Variants in XG observed in about 807,000 individuals in gnomAD.
XG encodes Xg glycoprotein (Xg blood group), also known as glycoprotein Xg.
In XG, 24 loss-of-function variants were observed where a neutral mutation model predicts 25.7. The ratio of observed to expected loss-of-function variants is 0.93; its 90% CI spans 0.68 to 1.31. XG has a LOEUF of 1.31. Among genes scored for constraint, XG ranks in the 40% most tolerant of loss-of-function variants. XG has a pLI of 0.00. For missense variants in XG, 181 were observed against 187.6 expected, an observed-to-expected ratio of 0.96 and a Z score of 0.21; for synonymous variants, 77 against 69.2, an observed-to-expected ratio of 1.11 and a Z score of -0.56.
intron 1 of XG, among the ~76,000 whole-genome samples, chrX:2,756,251 G>T (rs1006631504): frequency 6.6e-6 from 1 of 152,124 alleles, no homozygotes; most frequent in African/African-American, 2.4e-5. Context: ...ACAAAATCAG[G>T]TCTTCTAACA....
At chrX:2,773,152 G>A (rs2050861338) in intron 2 of XG, among the ~76,000 whole-genome samples, 1 of 150,224 alleles carries the variant, frequency 6.7e-6, no homozygotes, top group African/African-American at 2.4e-5. Flanking sequence ...AAGGACAGAG[G>A]AAAACAGGGA....
chrX:2,767,784 C>T (rs1166147476), intron 1 of XG, among the ~76,000 whole-genome samples: 1 of 152,202 alleles, frequency 6.6e-6, no homozygotes, highest in Admixed American at 6.5e-5. Context: ...GAGACTGTCT[C>T]AGTGCCCAGG....
At chrX:2,763,830 C>T (rs1488107105) in intron 1 of XG, among the ~76,000 whole-genome samples, 10 of 152,186 alleles carry the variant, frequency 6.6e-5, no homozygotes, top group South Asian at 2.1e-4. Flanking sequence ...CACTTCCTCA[C>T]GCTGCAATCC....
chrX:2,758,740 A>G (rs1406989550), intron 1 of XG, among the ~76,000 whole-genome samples: 4 of 152,200 alleles, frequency 2.6e-5, no homozygotes, highest in African/African-American at 7.2e-5. Flanking sequence ...AGTGCACAGG[A>G]CGCCCCACAG....
At chrX:2,772,507 C>G (rs2050840428) in intron 2 of XG, among the ~76,000 whole-genome samples, 1 of 152,032 alleles carries the variant, frequency 6.6e-6, no homozygotes, top group Non-Finnish European at 1.5e-5. Flanking sequence ...CCAGAATAGG[C>G]AAATTCAGAG....
intron 1 of XG, among the ~76,000 whole-genome samples, chrX:2,760,934 C>G (rs1339166861): frequency 6.6e-6 from 1 of 152,064 alleles, no homozygotes; most frequent in Admixed American, 6.6e-5. Context: ...ACCAGCCCTG[C>G]CCACACCTTG....
At chrX:2,789,301 A>G (rs1273375221) in intron 4 of XG, among the ~76,000 whole-genome samples, 1 of 112,065 alleles carries the variant, frequency 8.9e-6, no homozygotes, top group Non-Finnish European at 1.9e-5. Flanking sequence ...CACACTATCA[A>G]AAGGTCAGAT....
At chrX:2,782,026 A>C in intron 3 of XG, 40 bp from the exon 4 acceptor site, 2 of 1,187,624 alleles carry the variant, frequency 1.7e-6, no homozygotes, top group Non-Finnish European at 2.3e-6. Flanking sequence ...AGGGAAGGAC[A>C]ATTTTCTTTT....
intron 3 of XG, among the ~76,000 whole-genome samples, chrX:2,777,299 A>G (rs6655035): frequency 0.011 from 1,682 of 152,350 alleles, 34 homozygotes; most frequent in African/African-American, 0.038. Context: ...GTAGTTAGAT[A>G]TTGCTGGATT....
In XG at chrX:2,789,693, C is replaced by T. The variant is rs17090623; in HGVS notation, c.240C>T (p.Ser80=). ...KPRPQPQPGN[S]GNSGGYFNDV... ...GCCCTCAACCCCAGCCTGGCAATTC[C>T]GGCAACAGTGGAGGTAATGAGTATT... The change falls in exon 5 of 11, where the codon TCC becomes TCT. Residue 80 remains serine (S), a synonymous_variant. Coordinates refer to ENST00000644266, the MANE Select transcript of XG (RefSeq NM_001141919.2). 9.5e-3 allele frequency: 10,750 copies of T among 1,130,166 alleles called. 628 individuals are homozygous for T. The African/African-American group carries it at 0.17, about 18-fold the overall frequency. The allele number at this position is 1,130,166 out of a possible 1,213,427, so 93.1% of individuals were successfully genotyped here.
At chrX:2,764,536 T>C (rs1435666742) in intron 1 of XG, among the ~76,000 whole-genome samples, 1 of 152,088 alleles carries the variant, frequency 6.6e-6, no homozygotes. Context: ...CCTTAGGATT[T>C]GCCTGAAGGA....
chrX:2,752,606 G>A (rs960761765), intron 1 of XG, among the ~76,000 whole-genome samples: 1 of 152,126 alleles, frequency 6.6e-6, no homozygotes. Flanking sequence ...TGATCCATGT[G>A]TCCCAAGCGT....
At chrX:2,793,738 G>C (rs140532845) in intron 5 of XG, among the ~76,000 whole-genome samples, 1,882 of 111,705 alleles carry the variant, frequency 0.017, 26 homozygotes, top group Middle Eastern at 0.028. Context: ...TTTCAGACAA[G>C]ATAGTTGAGC....
intron 4 of XG, among the ~76,000 whole-genome samples, chrX:2,787,017 A>G (rs1193470480): frequency 9.3e-6 from 1 of 107,931 alleles, no homozygotes; most frequent in East Asian, 2.9e-4. Flanking sequence ...GACACCTCAT[A>G]AGAAGGGGAG....
intron 7 of XG, among the ~76,000 whole-genome samples, chrX:2,798,053 AAAAAGAAAAG>A (rs768409598): frequency 1.8e-5 from 2 of 111,281 alleles, no homozygotes; most frequent in South Asian, 3.8e-4. Context: ...TGTCTCAAAG[AAAAAGAAAAG>A]AAAAGAAAAG....
chrX:2,772,570 G>A (rs1341286110), intron 2 of XG, among the ~76,000 whole-genome samples: 13 of 152,078 alleles, frequency 8.5e-5, no homozygotes, highest in Non-Finnish European at 1.6e-4. Context: ...CAAAAGGGAG[G>A]GACTGCTCGT....
At chrX:2,754,341 C>A (rs1354176398) in intron 1 of XG, among the ~76,000 whole-genome samples, 3 of 152,170 alleles carry the variant, frequency 2.0e-5, no homozygotes, top group African/African-American at 7.2e-5. Flanking sequence ...CTCAAACGAT[C>A]CTCCTGCCTT....
chrX:2,787,266 A>G (rs1160953675), intron 4 of XG, among the ~76,000 whole-genome samples: 1 of 111,100 alleles, frequency 9.0e-6, no homozygotes, highest in African/African-American at 3.3e-5. Context: ...AGAGGAGATG[A>G]GGACACAGAC....
intron 1 of XG, among the ~76,000 whole-genome samples, chrX:2,759,646 G>A (rs952553812): frequency 1.3e-5 from 2 of 152,178 alleles, no homozygotes; most frequent in Non-Finnish European, 2.9e-5. Flanking sequence ...GCAAATATTG[G>A]AGCCAATTAG....
Sources: allele counts gnomAD v4.1 joint callset (sites outside exome capture counted in the v4.1 genomes callset), GRCh38; gene constraint gnomAD v4.1.1; transcripts MANE v1.5; gene names NCBI Gene and HGNC (gene_info 2026-07-23, HGNC 2026-07-21).